Variants in MNS1 observed in about 807,000 individuals in gnomAD.
MNS1 encodes the protein meiosis-specific nuclear structural protein 1.
A neutral mutation model predicts 72.0 loss-of-function variants in MNS1; 63 were observed. That is an observed-to-expected ratio of 0.87 (90% CI 0.71 to 1.08). The LOEUF is 1.08. Among genes scored for constraint, MNS1 ranks in the 50% least tolerant of loss-of-function variants. MNS1 has a pLI of 0.00. For missense variants in MNS1, 604 were observed against 562.4 expected (o/e 1.07, Z -0.75); for synonymous variants, 188 against 172.1 (o/e 1.09, Z -0.72).
chr15:56,444,051 TC>T (rs1567151275), intron 5 of MNS1, among the ~76,000 whole-genome samples, 197 bp from the exon 6 acceptor site: 1 of 152,036 alleles, frequency 6.6e-6, no homozygotes, highest in Non-Finnish European at 1.5e-5. Context: ...TGTGATAGTC[TC>T]CTCTAACCTA....
chr15:56,431,900 C>CAT lies in MNS1; in HGVS notation c.1270-404_1270-403dup, dbSNP rs550793978. Among the ~76,000 whole-genome samples, 774 of 150,202 alleles carry CAT rather than the reference C, an allele frequency of 5.2e-3. 5 individuals are homozygous for CAT. The highest frequency in any genetic ancestry group is 0.015 in the African/African-American group (604 of 41,084). ...ATCAGAAATATCTAAAGGATATTTT[C>CAT]ATATATATATATATAAAGATGATAT... On this transcript the variant is annotated intron_variant, in intron 8 of 9. Coordinates refer to ENST00000260453, the MANE Select transcript of MNS1 (RefSeq NM_018365.4).
intron 9 of MNS1, among the ~76,000 whole-genome samples, chr15:56,430,552 A>G (rs2050560503): frequency 6.6e-6 from 1 of 152,182 alleles, no homozygotes; most frequent in African/African-American, 2.4e-5. Flanking sequence ...GTATACATTA[A>G]AATTCACTAT....
At chr15:56,443,947 A>C in intron 5 of MNS1, 93 bp from the exon 6 acceptor site, 1 of 1,007,804 alleles carries the variant, frequency 9.9e-7, no homozygotes, top group South Asian at 2.0e-5. Context: ...GAAAAACACT[A>C]TAGTTTTTTC....
chr15:56,434,231 C>A lies in MNS1; in HGVS notation c.1176G>T (p.Met392Ile). 2 of 1,613,986 alleles carry A rather than the reference C, an allele frequency of 1.2e-6. No individual in the cohort carries two copies. Among genetic ancestry groups the A allele is most frequent in the Non-Finnish European group, 1.7e-6 (2 of 1,179,926 alleles). ...GCTTCATTCTTTGTTTCTGAGCATT[C>A]ATTAATTCTATTCGATCATCCTCAG... ...KFAEDDRIELMNAQKQRMKQL... is the reference protein window; with the variant it reads ...KFAEDDRIELINAQKQRMKQL... Residue 392 changes from methionine to isoleucine, a missense_variant, in exon 8 of 10, where the codon ATG (methionine) becomes ATT (isoleucine). Met to Ile is a conservative substitution (Grantham distance 10). Coordinates refer to ENST00000260453, the MANE Select transcript of MNS1 (RefSeq NM_018365.4).
Position 56,460,009 on chromosome 15 carries a change from A to AAAAAAAAAAAAATATATATATATATATAT in MNS1, c.226-3489_226-3488insATATATATATATATATATTTTTTTTTTTT. ...CTGTCTCAAAAAAAAAAAAAAAAAA[A>AAAAAAAAAAAAATATATATATATATATAT]ATACATATATATATATATATATATA... is the stretch of plus-strand genomic sequence containing the variant. On this transcript the variant is annotated intron_variant, in intron 2 of 9. Transcript: ENST00000260453. Among the ~76,000 whole-genome samples the AAAAAAAAAAAAATATATATATATATATAT allele has an allele frequency of 4.9e-4, 13 of 26,378 alleles. 3 individuals carry two copies. The highest frequency in any genetic ancestry group is 1.1e-3 in the East Asian group (1 of 876). The allele number at this position is 26,378 out of a possible 152,430, so 17.3% of individuals were successfully genotyped here. A position where few individuals can be genotyped will look rare whatever the true frequency, so the allele number is the denominator to read the frequency against.
intron 2 of MNS1, among the ~76,000 whole-genome samples, chr15:56,458,468 A>G (rs1454748529): frequency 2.6e-5 from 4 of 151,870 alleles, no homozygotes; most frequent in African/African-American, 9.7e-5. Flanking sequence ...CCTATGCATC[A>G]TTATCACGCA....
chr15:56,437,594 T>C (rs1222516840), intron 7 of MNS1, among the ~76,000 whole-genome samples: 1 of 152,110 alleles, frequency 6.6e-6, no homozygotes, highest in Non-Finnish European at 1.5e-5. Context: ...CTATTCAACA[T>C]AGTGTTGGAA....
At chr15:56,439,102 A>G (rs1363988713) in intron 7 of MNS1, among the ~76,000 whole-genome samples, 28 of 152,218 alleles carry the variant, frequency 1.8e-4, no homozygotes, top group African/African-American at 5.8e-4. Flanking sequence ...GTTGTGAGAT[A>G]CAAGATAAAC....
chr15:56,450,742 C>T (rs1318848645), intron 3 of MNS1, among the ~76,000 whole-genome samples: 1 of 152,046 alleles, frequency 6.6e-6, no homozygotes, highest in Admixed American at 6.5e-5. Context: ...TTAAGTCTCA[C>T]TATTGAATTT....
intron 2 of MNS1, among the ~76,000 whole-genome samples, chr15:56,460,001 A>T (rs1373784096): frequency 7.4e-4 from 25 of 33,890 alleles, no homozygotes; most frequent in Non-Finnish European, 2.9e-4. Context: ...AAAAAAAAAA[A>T]AAAAAAAAAT....
chr15:56,433,894 A>G (rs1166857715), intron 8 of MNS1, among the ~76,000 whole-genome samples: 1 of 152,160 alleles, frequency 6.6e-6, no homozygotes, highest in Non-Finnish European at 1.5e-5. Flanking sequence ...CCATAAATTC[A>G]TAAGTGACAT....
chr15:56,436,517 A>G (rs2050728252), intron 7 of MNS1, among the ~76,000 whole-genome samples: 2 of 152,186 alleles, frequency 1.3e-5, no homozygotes, highest in Non-Finnish European at 2.9e-5. Context: ...AAGATCTAAA[A>G]TTGACACCCT....
At chr15:56,459,719 C>G (rs536568830) in intron 2 of MNS1, among the ~76,000 whole-genome samples, 2 of 151,884 alleles carry the variant, frequency 1.3e-5, no homozygotes, top group South Asian at 2.1e-4. Context: ...CACGGTGGCT[C>G]ATGCCTGTAA....
intron 9 of MNS1, among the ~76,000 whole-genome samples, chr15:56,430,397 C>A (rs933723046): frequency 9.2e-5 from 14 of 151,962 alleles, no homozygotes; most frequent in Non-Finnish European, 2.1e-4. Context: ...GTAGCAATGG[C>A]ATCTCCCCAT....
intron 7 of MNS1, among the ~76,000 whole-genome samples, chr15:56,442,114 C>T (rs1466427739): frequency 6.6e-6 from 1 of 151,738 alleles, no homozygotes; most frequent in Admixed American, 6.6e-5. Flanking sequence ...TATATGTAGC[C>T]AACAAGCACA....
chr15:56,443,971 A>G, intron 5 of MNS1, 117 bp from the exon 6 acceptor site: 2 of 817,594 alleles, frequency 2.4e-6, no homozygotes, highest in East Asian at 2.8e-5. Flanking sequence ...CGTGCATGCA[A>G]CAAACATTTT....
In MNS1 at chr15:56,456,868, AC is replaced by A. The variant is rs1182988254; in HGVS notation, c.226-348del. ...CTAGGGTGTTTTAAAACAATCCTAGACATCATGTCACTTACCATGTAAATAA... is the reference window on the plus strand; with the variant it reads ...CTAGGGTGTTTTAAAACAATCCTAGAATCATGTCACTTACCATGTAAATAA... On this transcript the variant is annotated intron_variant, in intron 2 of 9. Coordinates refer to ENST00000260453, the MANE Select transcript of MNS1 (RefSeq NM_018365.4). Among the ~76,000 whole-genome samples, 95 of 152,190 alleles carry A rather than the reference AC, an allele frequency of 6.2e-4. 1 individual carries two copies. The highest frequency in any genetic ancestry group is 2.3e-3 in the African/African-American group (94 of 41,528).
At chr15:56,458,659 C>T (rs1014765076) in intron 2 of MNS1, among the ~76,000 whole-genome samples, 10 of 152,122 alleles carry the variant, frequency 6.6e-5, no homozygotes, top group African/African-American at 2.4e-4. Flanking sequence ...TTACTGTTTC[C>T]ATAGTTTTGC....
chr15:56,435,247 AG>A (rs1483191779), intron 7 of MNS1, among the ~76,000 whole-genome samples: 1 of 151,968 alleles, frequency 6.6e-6, no homozygotes, highest in Non-Finnish European at 1.5e-5. Flanking sequence ...CGATAATCTA[AG>A]CCCCCACTTC....
Sources: gnomAD v4.1 joint callset for allele counts (sites outside exome capture counted in the v4.1 genomes callset) on GRCh38, gnomAD v4.1.1 for gene constraint, MANE v1.5 for transcripts, NCBI Gene and HGNC (gene_info 2026-07-23, HGNC 2026-07-21) for gene names.